PSPC1: variants seen among roughly 807,000 people sequenced by gnomAD.
PSPC1 encodes the protein paraspeckle component 1.
A neutral mutation model predicts 51.6 loss-of-function variants in PSPC1; 14 were observed. The ratio of observed to expected loss-of-function variants is 0.27; its 90% CI spans 0.18 to 0.42. The LOEUF is 0.42. Ranked by LOEUF, PSPC1 falls within the 10% of genes least tolerant of loss-of-function variation. The pLI is 1.00. For synonymous variants in PSPC1, 193 were observed against 231.9 expected, an observed-to-expected ratio of 0.83 and a Z score of 1.53; for missense variants, 406 against 701.1, an observed-to-expected ratio of 0.58 and a Z score of 4.75.
chr13:19,734,581 C>T lies in PSPC1; in HGVS notation c.1053-4237G>A, dbSNP rs1884538087. On this transcript the variant is annotated intron_variant, in intron 5 of 8. Transcript: ENST00000338910. ...CTTTGGGAGGCCAAGGCCGGCAGATCACCTGAGGTCAGGAGTTCGAGACGA... is the reference window on the plus strand; with the variant it reads ...CTTTGGGAGGCCAAGGCCGGCAGATTACCTGAGGTCAGGAGTTCGAGACGA... Among the ~76,000 whole-genome samples, 4 of 152,296 alleles carry T rather than the reference C, an allele frequency of 2.6e-5. No homozygotes were observed. The South Asian group carries it at 8.3e-4, about 32-fold the overall frequency.
rs1177589058 is a variant in PSPC1, at chr13:19,702,981, G to A, written c.*194C>T. The A allele has an allele frequency of 1.7e-5, 8 of 460,906 alleles. No homozygotes were observed. Among genetic ancestry groups the A allele is most frequent in the Admixed American group, 3.4e-5 (1 of 29,290 alleles). The allele number at this position is 460,906 out of a possible 1,614,324, so 28.6% of individuals were successfully genotyped here. On this transcript the variant is annotated 3_prime_UTR_variant, in exon 9 of 9. Coordinates refer to ENST00000338910, the MANE Select transcript of PSPC1 (RefSeq NM_001354909.2). ...AACACATTTCAACATTCAAAATGATGAGCATCATTACCATTCTAATCTACA... is the reference window on the plus strand; with the variant it reads ...AACACATTTCAACATTCAAAATGATAAGCATCATTACCATTCTAATCTACA...
At chr13:19,685,904 A>G (rs1400995004) in intron 6 of PSPC1, among the ~76,000 whole-genome samples, 1 of 152,194 alleles carries the variant, frequency 6.6e-6, no homozygotes, top group Non-Finnish European at 1.5e-5. Context: ...CTTCAGAGGC[A>G]TTGTATCCAG....
At chr13:19,715,915 G>A (rs1399278770) in intron 6 of PSPC1, among the ~76,000 whole-genome samples, 2 of 152,142 alleles carry the variant, frequency 1.3e-5, no homozygotes, top group East Asian at 3.9e-4. Context: ...TCGGGAGGCT[G>A]AGGCAGGAGA....
At chr13:19,737,836 G>A (rs932069509) in intron 5 of PSPC1, among the ~76,000 whole-genome samples, 1 of 152,160 alleles carries the variant, frequency 6.6e-6, no homozygotes, top group Non-Finnish European at 1.5e-5. Flanking sequence ...TGTAATATCA[G>A]CGCTTTCGGA....
intron 1 of PSPC1, among the ~76,000 whole-genome samples, chr13:19,772,753 T>C (rs531550744): frequency 1.0e-3 from 154 of 152,364 alleles, no homozygotes; most frequent in Non-Finnish European, 1.9e-3. Flanking sequence ...CTCCATTGTT[T>C]TGTTAAAAGT....
intron 3 of PSPC1, among the ~76,000 whole-genome samples, chr13:19,752,850 T>C (rs1886701555): frequency 6.6e-6 from 1 of 150,900 alleles, no homozygotes; most frequent in Non-Finnish European, 1.5e-5. Flanking sequence ...TCTCCCAAAG[T>C]TCTGGGATTA....
chr13:19,773,856 A>G (rs933735042), intron 1 of PSPC1, among the ~76,000 whole-genome samples: 1 of 151,876 alleles, frequency 6.6e-6, no homozygotes, highest in African/African-American at 2.4e-5. Flanking sequence ...GGGTCTCACT[A>G]TATTCCCCAT....
intron 5 of PSPC1, among the ~76,000 whole-genome samples, chr13:19,735,969 C>A (rs1000871752): frequency 6.6e-6 from 1 of 151,988 alleles, no homozygotes; most frequent in Non-Finnish European, 1.5e-5. Context: ...TACAGGCGCC[C>A]GCCACCACGT....
At chr13:19,674,132 A>G (rs1876350532), downstream of PSPC1, among the ~76,000 whole-genome samples, 1 of 152,182 alleles carries the variant, frequency 6.6e-6, no homozygotes, top group African/African-American at 2.4e-5. Flanking sequence ...ATTCCTTTCC[A>G]CTGTCTACTT....
At chr13:19,719,147 TTGTTATAAG>T (rs1882470249) in intron 6 of PSPC1, among the ~76,000 whole-genome samples, 1 of 150,232 alleles carries the variant, frequency 6.7e-6, no homozygotes, top group Non-Finnish European at 1.5e-5. Flanking sequence ...GCTTCAGCAA[TTGTTATAAG>T]TGTATCATTC....
At chr13:19,742,661 T>C (rs1222618175) in intron 4 of PSPC1, among the ~76,000 whole-genome samples, 1 of 151,904 alleles carries the variant, frequency 6.6e-6, no homozygotes, top group Admixed American at 6.6e-5. Context: ...ATCACTTGAA[T>C]ATGGGAGGCG....
At chr13:19,767,522 A>AT (rs1473714995) in intron 2 of PSPC1, among the ~76,000 whole-genome samples, 1 of 152,160 alleles carries the variant, frequency 6.6e-6, no homozygotes, top group African/African-American at 2.4e-5. Context: ...AGCCAAAAAA[A>AT]TTTTTGAAAA....
At chr13:19,741,510 G>T in intron 5 of PSPC1, 55 bp downstream of exon 5, 1 of 1,251,220 alleles carries the variant, frequency 8.0e-7, no homozygotes, top group South Asian at 1.3e-5. Flanking sequence ...AGGTTGTGGG[G>T]AGTTTTTATT....
At chr13:19,751,227 G>GAA in intron 4 of PSPC1, 44 bp downstream of exon 4, 5 of 1,375,142 alleles carry the variant, frequency 3.6e-6, no homozygotes, top group Non-Finnish European at 4.8e-6. Context: ...ACACTTAAGG[G>GAA]AAAAAAAAAA....
chr13:19,716,390 T>C (rs1882092631), intron 6 of PSPC1, among the ~76,000 whole-genome samples: 1 of 152,218 alleles, frequency 6.6e-6, no homozygotes, highest in African/African-American at 2.4e-5. Context: ...TTTAACTGTG[T>C]CAACTGGAAC....
At chr13:19,722,125 A>G (rs1398267796) in intron 6 of PSPC1, among the ~76,000 whole-genome samples, 2 of 152,238 alleles carry the variant, frequency 1.3e-5, no homozygotes, top group Non-Finnish European at 2.9e-5. Context: ...CGAAAAATTC[A>G]GAGAACACAA....
At chr13:19,723,274 A>G (rs1478533822) in intron 6 of PSPC1, among the ~76,000 whole-genome samples, 1 of 152,126 alleles carries the variant, frequency 6.6e-6, no homozygotes, top group Non-Finnish European at 1.5e-5. Flanking sequence ...ACTCTAACAG[A>G]AGGTAAGATC....
intron 6 of PSPC1, among the ~76,000 whole-genome samples, chr13:19,692,881 G>A (rs79601094): frequency 4.2e-3 from 639 of 152,226 alleles, no homozygotes; most frequent in Middle Eastern, 6.8e-3. Flanking sequence ...ATTCAATGTA[G>A]GGAGGCTGGG....
intron 2 of PSPC1, among the ~76,000 whole-genome samples, chr13:19,767,640 A>T (rs531494098): frequency 6.7e-6 from 1 of 148,380 alleles, no homozygotes; most frequent in South Asian, 2.1e-4. Context: ...ACAAAAAAGT[A>T]CAGATTTTTT....
Sources: gnomAD v4.1 joint callset for allele counts (sites outside exome capture counted in the v4.1 genomes callset) on GRCh38, gnomAD v4.1.1 for gene constraint, MANE v1.5 for transcripts, NCBI Gene and HGNC (gene_info 2026-07-23, HGNC 2026-07-21) for gene names.